NT5M: variants seen among roughly 807,000 people sequenced by gnomAD.
The protein encoded by NT5M is 5',3'-nucleotidase, mitochondrial, also known as 5'(3')-deoxyribonucleotidase, mitochondrial.
NT5M carries 22 observed loss-of-function variants against 22.2 expected under a neutral mutation model. The observed-to-expected ratio is 0.99, with a 90% CI of 0.71 to 1.41. NT5M has a LOEUF of 1.41. NT5M is among the 40% of genes most tolerant of loss of function. The pLI is 0.00. For missense variants in NT5M, 322 were observed against 314.8 expected (o/e 1.02, Z -0.17); for synonymous variants, 167 against 133.0 (o/e 1.26, Z -1.76).
At position 17,340,815 on chromosome 17, in the gene NT5M, C is replaced by T. The variant is rs138983751; in HGVS notation, c.430-3979C>T. Among the ~76,000 whole-genome samples the T allele has an allele frequency of 2.3e-3, 349 of 152,226 alleles. 4 individuals are homozygous for T. The highest frequency in any genetic ancestry group is 7.6e-3 in the African/African-American group (314 of 41,540). On this transcript the variant is annotated intron_variant, in intron 3 of 4. Transcript: ENST00000389022. ...GCTGGGATTACAGTGTGAGCCACCG[C>T]GCCCGGCCTGCTCTTGTTTTTCTGT...
chr17:17,313,223 G>A (rs1290347477), intron 2 of NT5M, among the ~76,000 whole-genome samples: 1 of 152,156 alleles, frequency 6.6e-6, no homozygotes, highest in African/African-American at 2.4e-5. Flanking sequence ...AGGTTGTGGT[G>A]AGCTGAGATT....
At position 17,315,744 on chromosome 17, in the gene NT5M, G is replaced by GTTTTTTTTTTTTTTTTTTTTT. The variant is rs1173004367; in HGVS notation, c.369-7434_369-7433insTTTTTTTTTTTTTTTTTTTTT. ...AGAGATTGATGTGATCTAACTTAGGGTTTTTTTGTTTTTTTTTTTTTTTTT... is the reference window on the plus strand; with the variant it reads ...AGAGATTGATGTGATCTAACTTAGGGTTTTTTTTTTTTTTTTTTTTTTTTTTTTGTTTTTTTTTTTTTTTTT... On this transcript the variant is annotated intron_variant, in intron 2 of 4. Coordinates refer to ENST00000389022, the MANE Select transcript of NT5M (RefSeq NM_020201.4). Among the ~76,000 whole-genome samples, 3 of 67,714 alleles carry GTTTTTTTTTTTTTTTTTTTTT rather than the reference G, an allele frequency of 4.4e-5. 1 individual carries two copies. Among genetic ancestry groups the GTTTTTTTTTTTTTTTTTTTTT allele is most frequent in the Non-Finnish European group, 5.4e-5 (2 of 37,274 alleles). 44.4% of individuals were successfully genotyped at this position (67,714 alleles called of 152,430 possible).
At chr17:17,308,514 C>T (rs1371074642) in intron 2 of NT5M, among the ~76,000 whole-genome samples, 1 of 151,984 alleles carries the variant, frequency 6.6e-6, no homozygotes, top group African/African-American at 2.4e-5. Flanking sequence ...ATCTCTTGAA[C>T]CTGGGAGGCG....
chr17:17,313,703 CATAG>C lies in NT5M; in HGVS notation c.368+7063_368+7066del, dbSNP rs1399195840. 7.3e-5 allele frequency among the ~76,000 whole-genome samples: 11 copies of C among 150,518 alleles called. No individual in the cohort carries two copies. The Middle Eastern group carries it at 0.01, about 143-fold the overall frequency. On this transcript the variant is annotated intron_variant, in intron 2 of 4. Transcript: ENST00000389022. The stretch of plus-strand genomic sequence containing the variant: ...GTTCCCTGGTAAACAGACATTGGAA[CATAG>C]ATCTCAAAGTAATCGTGGCGTTGGG...
At chr17:17,321,666 C>G (rs199705961) in intron 2 of NT5M, among the ~76,000 whole-genome samples, 1 of 151,928 alleles carries the variant, frequency 6.6e-6, no homozygotes, top group East Asian at 2.0e-4. Context: ...TTTTCTTCTC[C>G]GGCAACATTT....
rs765666825 is a variant in NT5M at position 17,303,697 on chromosome 17, C to G, written c.147C>G (p.Phe49Leu). ...ACATGGACGGCGTGCTGGCTGACTT[C>G]GAGGGCGGATTCCTCAGGAAGTTCC... ...LVDMDGVLAD[F>L]EGGFLRKFRA... is the part of the protein sequence containing the mutation. Residue 49 changes from phenylalanine (F) to leucine (L), a missense_variant, in exon 1 of 5, where the codon TTC (phenylalanine) becomes TTG (leucine). Transcript: ENST00000389022. 10 of 1,589,428 alleles carry G rather than the reference C, an allele frequency of 6.3e-6. No homozygotes were observed. Among genetic ancestry groups the G allele is most frequent in the Non-Finnish European group, 7.7e-6 (9 of 1,170,378 alleles).
chr17:17,346,683 C>A (rs1047206066), intron 4 of NT5M, 122 bp from the exon 5 acceptor site: 1 of 1,204,742 alleles, frequency 8.3e-7, no homozygotes, highest in Non-Finnish European at 1.2e-6. Flanking sequence ...TGCAGTCACC[C>A]CTTTACAGAG....
At position 17,346,861 on chromosome 17, in the gene NT5M, C is replaced by T; in HGVS notation, c.601C>T (p.His201Tyr). ...CCTCTTCACCGCCTGCCACAACCAG[C>T]ACCTGCAGCTGCAGCCCCCCCGCCG... ...HVLFTACHNQ[H>Y]LQLQPPRRRL... The change falls in exon 5 of 5, where the codon CAC becomes TAC. Residue 201 changes from histidine to tyrosine, a missense_variant. Physicochemically the swap from His to Tyr is moderately conservative, Grantham distance 83. Transcript: ENST00000389022. 3 of 1,608,588 alleles carry T rather than the reference C, an allele frequency of 1.9e-6. No homozygotes were observed. The highest frequency in any genetic ancestry group is 8.5e-7 in the Non-Finnish European group (1 of 1,179,934).
At chr17:17,305,906 C>T (rs111505611) in intron 1 of NT5M, among the ~76,000 whole-genome samples, 2 of 152,266 alleles carry the variant, frequency 1.3e-5, no homozygotes, top group South Asian at 2.1e-4. Context: ...ATCTCTTCCC[C>T]GTTCTGAGCC....
chr17:17,309,675 C>CTTTTTTT lies in NT5M; in HGVS notation c.368+3046_368+3052dup, dbSNP rs34209605. ...CTGATGGCTAATGATGCTCAAGCAT[C>CTTTTTTT]TTTTTTTTTTTTTTTTTTTTGAGAC... On this transcript the variant is annotated intron_variant, in intron 2 of 4. Transcript: ENST00000389022. Among the ~76,000 whole-genome samples the CTTTTTTT allele has an allele frequency of 2.5e-5, 3 of 121,030 alleles. 1 individual carries two copies. The highest frequency in any genetic ancestry group is 5.2e-5 in the Non-Finnish European group (3 of 57,574). 79.4% of individuals were successfully genotyped at this position (121,030 alleles called of 152,430 possible). A position where few individuals can be genotyped will look rare whatever the true frequency, so the allele number is the denominator to read the frequency against.
chr17:17,334,023 C>T (rs533059735), intron 3 of NT5M, among the ~76,000 whole-genome samples: 9 of 151,892 alleles, frequency 5.9e-5, no homozygotes, highest in Non-Finnish European at 5.9e-5. Context: ...TTAGTAGAGA[C>T]GGGGTTTCAT....
At chr17:17,312,203 C>T (rs1209822688) in intron 2 of NT5M, among the ~76,000 whole-genome samples, 3 of 152,190 alleles carry the variant, frequency 2.0e-5, no homozygotes, top group Non-Finnish European at 2.9e-5. Flanking sequence ...ATAGGCATAT[C>T]GCAAGAAAGG....
intron 1 of NT5M, among the ~76,000 whole-genome samples, chr17:17,304,784 G>A (rs954572009): frequency 2.6e-5 from 4 of 152,120 alleles, no homozygotes; most frequent in African/African-American, 9.7e-5. Context: ...AGCACAGTTA[G>A]TGCTCCCCAC....
chr17:17,316,092 TC>T (rs74540721), intron 2 of NT5M, among the ~76,000 whole-genome samples: 13,766 of 147,556 alleles, frequency 0.093, 877 homozygotes, highest in East Asian at 0.2. Flanking sequence ...TCTCACTCTG[TC>T]CCCCAGGCTG....
intron 3 of NT5M, among the ~76,000 whole-genome samples, chr17:17,338,089 G>A (rs2049554824): frequency 2.0e-5 from 3 of 152,080 alleles, no homozygotes; most frequent in Admixed American, 2.0e-4. Flanking sequence ...CAGTTTTCCA[G>A]TGCCATTTAT....
chr17:17,315,797 C>T (rs1292515666), intron 2 of NT5M, among the ~76,000 whole-genome samples: 1 of 146,658 alleles, frequency 6.8e-6, no homozygotes, highest in African/African-American at 2.6e-5. Context: ...CTCCATCACC[C>T]AGGCTAGAGT....
At chr17:17,307,405 C>G (rs1367369321) in intron 2 of NT5M, among the ~76,000 whole-genome samples, 3 of 152,050 alleles carry the variant, frequency 2.0e-5, no homozygotes, top group African/African-American at 7.2e-5. Context: ...AGGTGGATCA[C>G]CTGAGGTCAG....
intron 2 of NT5M, among the ~76,000 whole-genome samples, chr17:17,312,439 C>T (rs1444838487): frequency 2.0e-5 from 3 of 151,736 alleles, no homozygotes; most frequent in Admixed American, 6.6e-5. Context: ...GTCAGGAGTT[C>T]GAGGCCAGCC....
intron 1 of NT5M, among the ~76,000 whole-genome samples, chr17:17,304,712 C>T (rs2048757443): frequency 6.6e-6 from 1 of 152,022 alleles, no homozygotes; most frequent in Admixed American, 6.6e-5. Flanking sequence ...GGAAACTTGC[C>T]CCAAGTCACA....
Sources: gnomAD v4.1 joint callset for allele counts (sites outside exome capture counted in the v4.1 genomes callset) on GRCh38, gnomAD v4.1.1 for gene constraint, MANE v1.5 for transcripts, NCBI Gene and HGNC (gene_info 2026-07-23, HGNC 2026-07-21) for gene names.